RAD54B: variants seen among roughly 807,000 people sequenced by gnomAD.
RAD54B encodes the protein DNA repair and recombination protein RAD54B.
In RAD54B, 78 loss-of-function variants were observed where a neutral mutation model predicts 95.8. The ratio of observed to expected loss-of-function variants is 0.81; its 90% CI spans 0.68 to 0.98. The LOEUF is 0.98. Among genes scored for constraint, RAD54B ranks in the 50% least tolerant of loss-of-function variants. The pLI, the probability that RAD54B is intolerant of heterozygous loss-of-function variation, is 0.00. For synonymous variants in RAD54B, 328 were observed against 354.9 expected, an observed-to-expected ratio of 0.92 and a Z score of 0.85; for missense variants, 957 against 1,056.6, an observed-to-expected ratio of 0.91 and a Z score of 1.31.
intron 3 of RAD54B, 145 bp from the exon 4 acceptor site, chr8:94,411,460 C>T (rs759118247): frequency 6.3e-5 from 39 of 623,558 alleles, no homozygotes; most frequent in Non-Finnish European, 9.0e-5. Flanking sequence ...CTCATGTTAG[C>T]ATTTTATAAA....
chr8:94,417,113 C>T (rs1459429750), intron 3 of RAD54B, among the ~76,000 whole-genome samples: 2 of 151,970 alleles, frequency 1.3e-5, no homozygotes, highest in Non-Finnish European at 2.9e-5. Flanking sequence ...AACATTTATG[C>T]TAAGTGAAAG....
At chr8:94,466,321 C>G (rs1586043519) in intron 2 of RAD54B, among the ~76,000 whole-genome samples, 2 of 152,104 alleles carry the variant, frequency 1.3e-5, no homozygotes. Flanking sequence ...TTCATATATA[C>G]TAACGCCTTT....
At chr8:94,427,933 A>T (rs954005272) in intron 3 of RAD54B, 5 of 778,030 alleles carry the variant, frequency 6.4e-6, no homozygotes, top group East Asian at 2.2e-4. Context: ...TGACTCCTTA[A>T]AAAAAAAAAT....
intron 3 of RAD54B, among the ~76,000 whole-genome samples, chr8:94,457,451 A>AT (rs1812802975): frequency 6.6e-6 from 1 of 152,232 alleles, no homozygotes; most frequent in African/African-American, 2.4e-5. Context: ...TAAATACAGA[A>AT]TTCCTTTCTG....
intron 3 of RAD54B, chr8:94,436,980 T>C: frequency 7.0e-7 from 1 of 1,421,672 alleles, no homozygotes; most frequent in Non-Finnish European, 9.2e-7. Flanking sequence ...TAGCCTCATT[T>C]AGGCCCACGC....
intron 8 of RAD54B, among the ~76,000 whole-genome samples, chr8:94,395,779 T>C (rs1811128978): frequency 6.6e-6 from 1 of 152,312 alleles, no homozygotes; most frequent in South Asian, 2.1e-4. Flanking sequence ...CTAGCTGTGA[T>C]GTCTGGAACT....
At chr8:94,439,233 ATCT>A (rs1341275182) in intron 3 of RAD54B, among the ~76,000 whole-genome samples, 1 of 152,182 alleles carries the variant, frequency 6.6e-6, no homozygotes, top group African/African-American at 2.4e-5. Context: ...TGAGTAGGAA[ATCT>A]TCTAAAATTG....
intron 12 of RAD54B, among the ~76,000 whole-genome samples, chr8:94,379,711 C>G (rs562032730): frequency 6.6e-6 from 1 of 152,118 alleles, no homozygotes; most frequent in Non-Finnish European, 1.5e-5. Flanking sequence ...TAAAGAAAAC[C>G]AAAGGCTTCT....
chr8:94,440,836 G>A (rs1287435638), intron 3 of RAD54B, among the ~76,000 whole-genome samples: 1 of 152,160 alleles, frequency 6.6e-6, no homozygotes, highest in Non-Finnish European at 1.5e-5. Flanking sequence ...GGCCCCACCT[G>A]AGGGAAGAGA....
In RAD54B at chr8:94,407,625, G is replaced by A. The variant is rs897160795; in HGVS notation, c.595C>T (p.Pro199Ser). 6.2e-7 allele frequency: 1 copy of A among 1,613,902 alleles called. No homozygotes were observed. Among genetic ancestry groups the A allele is most frequent in the South Asian group, 1.1e-5 (1 of 91,070 alleles). ...CACCTGCCACTGCTGAAGTCATCTG[G>A]AGAGATTACACCCATGACTTCTATT... is the stretch of plus-strand genomic sequence containing the variant. ...KEIEVMGVIS[P>S]DDFSSGRCFQ... Residue 199 changes from proline (P) to serine (S), a missense_variant, in exon 5 of 15, where the codon CCA becomes TCA. Coordinates refer to ENST00000336148, the MANE Select transcript of RAD54B (RefSeq NM_012415.3).
rs1812028642 is a variant in RAD54B, at chr8:94,429,407, G to A, written c.305-18092C>T. On this transcript the variant is annotated intron_variant, in intron 3 of 14. Coordinates refer to ENST00000336148, the MANE Select transcript of RAD54B (RefSeq NM_012415.3). Reference sequence around the variant, plus strand: ...GTATACTGCACTTTTTTTTAACACAGATCTCTTTTCTAGAAACATCTCACA... The same window carrying A: ...GTATACTGCACTTTTTTTTAACACAAATCTCTTTTCTAGAAACATCTCACA... The A allele has an allele frequency of 5.7e-6, 5 of 871,968 alleles. No individual in the cohort carries two copies. In the South Asian group the frequency reaches 2.7e-4, roughly 46 times the overall value. 54.0% of individuals were successfully genotyped at this position (871,968 alleles called of 1,614,324 possible).
chr8:94,450,957 AC>A (rs1355667410), intron 3 of RAD54B, among the ~76,000 whole-genome samples: 5 of 152,260 alleles, frequency 3.3e-5, no homozygotes, highest in African/African-American at 1.2e-4. Flanking sequence ...ACTAAAATGA[AC>A]CCTGGGGTAC....
At chr8:94,392,172 C>T (rs539354948) in intron 9 of RAD54B, among the ~76,000 whole-genome samples, 15 of 152,268 alleles carry the variant, frequency 9.9e-5, no homozygotes, top group African/African-American at 3.1e-4. Context: ...GAAATATAGT[C>T]TGTATACAAC....
chr8:94,454,594 G>A (rs201841914), intron 3 of RAD54B, among the ~76,000 whole-genome samples: 1 of 87,352 alleles, frequency 1.1e-5, no homozygotes, highest in Admixed American at 1.4e-4. Context: ...CATCTTTTGT[G>A]TTTAACAAGC....
At chr8:94,397,256 T>C (rs539370203) in intron 8 of RAD54B, among the ~76,000 whole-genome samples, 1 of 152,266 alleles carries the variant, frequency 6.6e-6, no homozygotes, top group East Asian at 1.9e-4. Flanking sequence ...AAACATGTAC[T>C]TTCATAATAA....
At chr8:94,384,913 G>A (rs527586363) in intron 11 of RAD54B, among the ~76,000 whole-genome samples, 199 of 152,238 alleles carry the variant, frequency 1.3e-3, no homozygotes, top group African/African-American at 4.6e-3. Context: ...AGACCAGCCT[G>A]GGCAACATGG....
intron 3 of RAD54B, among the ~76,000 whole-genome samples, chr8:94,440,766 A>G (rs1337820249): frequency 6.6e-6 from 1 of 152,058 alleles, no homozygotes; most frequent in African/African-American, 2.4e-5. Context: ...CAACTTTCCA[A>G]CACTATCAGG....
intron 3 of RAD54B, among the ~76,000 whole-genome samples, chr8:94,437,126 A>G (rs1812286224): frequency 1.3e-5 from 2 of 152,354 alleles, no homozygotes; most frequent in East Asian, 1.9e-4. Context: ...ACACTTGTGT[A>G]TAAAGGGAAC....
At chr8:94,463,722 T>A (rs534512634) in intron 2 of RAD54B, among the ~76,000 whole-genome samples, 1 of 151,254 alleles carries the variant, frequency 6.6e-6, no homozygotes, top group African/African-American at 2.4e-5. Context: ...TATAAAAAAT[T>A]TAAAAATTAG....
Sources: gnomAD v4.1 joint callset for allele counts (sites outside exome capture counted in the v4.1 genomes callset) on GRCh38, gnomAD v4.1.1 for gene constraint, MANE v1.5 for transcripts, NCBI Gene and HGNC (gene_info 2026-07-23, HGNC 2026-07-21) for gene names.